ADCYAP1R1: variants seen among roughly 807,000 people sequenced by gnomAD.
ADCYAP1R1 encodes pituitary adenylate cyclase-activating polypeptide type I receptor.
Under a neutral mutation model 67.6 loss-of-function variants are expected in ADCYAP1R1, and 44 were observed. The observed-to-expected ratio is 0.65, with a 90% CI of 0.51 to 0.84. The LOEUF is 0.84. Ranked by LOEUF, ADCYAP1R1 falls within the 40% of genes least tolerant of loss-of-function variation. The pLI, the probability that ADCYAP1R1 is intolerant of heterozygous loss-of-function variation, is 0.00. For synonymous variants in ADCYAP1R1, 222 were observed against 219.6 expected, an observed-to-expected ratio of 1.01 and a Z score of -0.10; for missense variants, 477 against 587.9, an observed-to-expected ratio of 0.81 and a Z score of 1.95.
chr7:31,088,889 A>G (rs756002721), intron 12 of ADCYAP1R1, among the ~76,000 whole-genome samples: 10 of 152,186 alleles, frequency 6.6e-5, no homozygotes, highest in South Asian at 2.1e-4. Flanking sequence ...TGCACCAAAA[A>G]TGTCTAGTTA....
At chr7:31,081,883 C>A in intron 6 of ADCYAP1R1, 129 bp downstream of exon 6, 1 of 654,654 alleles carries the variant, frequency 1.5e-6, no homozygotes, top group Admixed American at 2.9e-5. Flanking sequence ...TGGCAGGTGA[C>A]TTTTTTTCTC....
In ADCYAP1R1 at chr7:31,109,238, A is replaced by G. The variant is rs1385089630; in HGVS notation, c.*2554A>G. 6.6e-6 allele frequency: 1 copy of G among 152,250 alleles called. No individual in the cohort carries two copies. Among genetic ancestry groups the G allele is most frequent in the Non-Finnish European group, 1.5e-5 (1 of 68,078 alleles). The allele number at this position is 152,250 out of a possible 1,614,324, so 9.4% of individuals were successfully genotyped here. On this transcript the variant is annotated 3_prime_UTR_variant, in exon 16 of 16. Coordinates refer to ENST00000304166, the MANE Select transcript of ADCYAP1R1 (RefSeq NM_001118.5). ...GAATTTTTGCCAGTCTTGTGAGCAGATGTACCTGATGTATTCTCAATGTTC... is the reference window on the plus strand; with the variant it reads ...GAATTTTTGCCAGTCTTGTGAGCAGGTGTACCTGATGTATTCTCAATGTTC...
chr7:31,065,976 C>G (rs950905902), intron 3 of ADCYAP1R1, among the ~76,000 whole-genome samples: 8 of 152,370 alleles, frequency 5.3e-5, no homozygotes, highest in Non-Finnish European at 1.2e-4. Flanking sequence ...GGTGAGGGAG[C>G]TACTCTGGAC....
At chr7:31,060,641 CATGTCTTT>C (rs1794461931) in intron 1 of ADCYAP1R1, among the ~76,000 whole-genome samples, 2 of 151,942 alleles carry the variant, frequency 1.3e-5, no homozygotes, top group Non-Finnish European at 2.9e-5. Context: ...GTAGGGTTGA[CATGTCTTT>C]ATGATCATCT....
intron 4 of ADCYAP1R1, among the ~76,000 whole-genome samples, chr7:31,080,170 C>T (rs1795456396): frequency 2.6e-5 from 4 of 152,214 alleles, no homozygotes; most frequent in Admixed American, 2.6e-4. Flanking sequence ...CTGGCAGTGG[C>T]ACAATGAAGG....
At chr7:31,059,578 G>C (rs1794402198) in intron 1 of ADCYAP1R1, among the ~76,000 whole-genome samples, 1 of 152,154 alleles carries the variant, frequency 6.6e-6, no homozygotes, top group South Asian at 2.1e-4. Context: ...GGCTTGGCCT[G>C]TCCCTTGAGG....
At position 31,064,798 on chromosome 7, in the gene ADCYAP1R1, C is replaced by G. The variant is rs201036419; in HGVS notation, c.52-33C>G. 3.8e-6 allele frequency: 6 copies of G among 1,562,570 alleles called. No individual in the cohort carries two copies. In the East Asian group the frequency reaches 1.2e-4, roughly 30 times the overall value. On this transcript the variant is annotated intron_variant, in intron 2 of 15. Transcript: ENST00000304166. Reference sequence around the variant, plus strand: ...AGAGCTTACAGATGGGCCTCCTACCCGCTCCCACCATCCATCCTGTGTTCT... The same window carrying G: ...AGAGCTTACAGATGGGCCTCCTACCGGCTCCCACCATCCATCCTGTGTTCT...
chr7:31,097,109 A>G (rs180971623), intron 13 of ADCYAP1R1, among the ~76,000 whole-genome samples: 1 of 152,346 alleles, frequency 6.6e-6, no homozygotes, highest in East Asian at 1.9e-4. Context: ...CTGCAGACAC[A>G]CAATGAAGCT....
intron 8 of ADCYAP1R1, 105 bp downstream of exon 8, chr7:31,084,939 C>T (rs1795674712): frequency 2.7e-6 from 3 of 1,099,104 alleles, no homozygotes. Context: ...TAGAAGACCC[C>T]TTTGAAGGCA....
At chr7:31,077,639 T>TGTGTG (rs1795322411) in intron 3 of ADCYAP1R1, among the ~76,000 whole-genome samples, 1 of 149,280 alleles carries the variant, frequency 6.7e-6, no homozygotes, top group African/African-American at 2.5e-5. Context: ...ATGATATATG[T>TGTGTG]GTGTGGTGTG....
At chr7:31,059,746 TGG>T (rs948976352) in intron 1 of ADCYAP1R1, among the ~76,000 whole-genome samples, 31 of 151,822 alleles carry the variant, frequency 2.0e-4, no homozygotes, top group Non-Finnish European at 2.9e-5. Flanking sequence ...GTTGTCCAGT[TGG>T]GGGCAGTGCA....
chr7:31,063,079 T>C (rs1012498616), intron 1 of ADCYAP1R1, 115 bp from the exon 2 acceptor site: 1 of 635,776 alleles, frequency 1.6e-6, no homozygotes, highest in Non-Finnish European at 2.8e-6. Flanking sequence ...GGTGGGGTTA[T>C]CCTTGGAGGC....
chr7:31,111,444 T>C lies in ADCYAP1R1; in HGVS notation c.*4760T>C, dbSNP rs1796858691. ...GGATTTTAAGGATGTCAGACTGCTG[T>C]AGATGACTCAATAAATGTTTTGCCA... On this transcript the variant is annotated 3_prime_UTR_variant, in exon 16 of 16. Transcript: ENST00000304166. 6.6e-6 allele frequency: 1 copy of C among 152,196 alleles called. No homozygotes were observed. The highest frequency in any genetic ancestry group is 2.1e-4 in the South Asian group (1 of 4,822). The allele number at this position is 152,196 out of a possible 1,614,324, so 9.4% of individuals were successfully genotyped here. A position where few individuals can be genotyped will look rare whatever the true frequency, so the allele number is the denominator to read the frequency against.
chr7:31,090,695 T>G (rs1372734937), intron 12 of ADCYAP1R1, among the ~76,000 whole-genome samples: 1 of 152,260 alleles, frequency 6.6e-6, no homozygotes, highest in Non-Finnish European at 1.5e-5. Context: ...TCTCTGTTAA[T>G]TCACTTAGGA....
At chr7:31,071,701 T>C (rs911666979) in intron 3 of ADCYAP1R1, among the ~76,000 whole-genome samples, 3 of 152,154 alleles carry the variant, frequency 2.0e-5, no homozygotes, top group Non-Finnish European at 4.4e-5. Context: ...CCCTGATCTT[T>C]GCTCTCTCAC....
Position 31,084,132 on chromosome 7 carries a change from T to C in ADCYAP1R1, c.329-9T>C. 3 of 1,613,678 alleles carry C rather than the reference T, an allele frequency of 1.9e-6. No individual in the cohort carries two copies. Among genetic ancestry groups the C allele is most frequent in the Non-Finnish European group, 2.5e-6 (3 of 1,179,612 alleles). On this transcript the variant is annotated splice_polypyrimidine_tract_variant and intron_variant, in intron 6 of 15. Coordinates refer to ENST00000304166, the MANE Select transcript of ADCYAP1R1 (RefSeq NM_001118.5). ...TTCTGGGCCTCGCTGAGTTTTCTTT[T>C]TGCTGCAGACATGGGAGTGGTGAGC... is the stretch of plus-strand genomic sequence containing the variant.
chr7:31,073,981 C>T (rs528930328), intron 3 of ADCYAP1R1, among the ~76,000 whole-genome samples: 72 of 152,236 alleles, frequency 4.7e-4, no homozygotes, highest in Non-Finnish European at 1.2e-4. Context: ...GAAGATGCAT[C>T]CTGAGAGCTC....
At chr7:31,068,219 A>ACG (rs1794830177) in intron 3 of ADCYAP1R1, among the ~76,000 whole-genome samples, 1 of 151,808 alleles carries the variant, frequency 6.6e-6, no homozygotes, top group Non-Finnish European at 1.5e-5. Flanking sequence ...GCGCGCGCAC[A>ACG]CACACACACA....
Position 31,102,160 on chromosome 7 carries a change from G to A in ADCYAP1R1, c.1047-1077G>A, listed in dbSNP as rs774084060. Among the ~76,000 whole-genome samples the A allele has an allele frequency of 2.0e-5, 3 of 152,220 alleles. No individual in the cohort carries two copies. Among genetic ancestry groups the A allele is most frequent in the Non-Finnish European group, 4.4e-5 (3 of 68,038 alleles). On this transcript the variant is annotated intron_variant, in intron 13 of 15. Coordinates refer to ENST00000304166, the MANE Select transcript of ADCYAP1R1 (RefSeq NM_001118.5). The surrounding 1 kb of genome is among the most constrained non-coding windows in gnomAD (Gnocchi z 4.3). Reference sequence around the variant, plus strand: ...TGAATGCGGGAGAGAGGGACACATGGTGTAATTGCCCCAAATCAAACGACT... The same window carrying A: ...TGAATGCGGGAGAGAGGGACACATGATGTAATTGCCCCAAATCAAACGACT...
Sources: gnomAD v4.1 joint callset for allele counts (sites outside exome capture counted in the v4.1 genomes callset) on GRCh38, gnomAD v4.1.1 for gene constraint, Gnocchi (gnomAD v3.1) non-coding constraint, MANE v1.5 for transcripts, NCBI Gene and HGNC (gene_info 2026-07-23, HGNC 2026-07-21) for gene names.